EEF1AKMT1: variants seen among roughly 807,000 people sequenced by gnomAD.
The protein encoded by EEF1AKMT1 is EEF1A lysine methyltransferase 1, also known as N-6 adenine-specific DNA methyltransferase 2 (putative).
A neutral mutation model predicts 21.0 loss-of-function variants in EEF1AKMT1; 18 were observed. The observed-to-expected ratio is 0.86, with a 90% confidence interval of 0.59 to 1.27. The LOEUF (loss-of-function observed/expected upper bound fraction) is 1.27, where lower values mean the gene tolerates loss of function less well. EEF1AKMT1 is among the 50% of genes most tolerant of loss of function. The pLI is 0.00. For missense variants in EEF1AKMT1, 246 were observed against 258.6 expected, an observed-to-expected ratio of 0.95 and a Z score of 0.33; for synonymous variants, 109 against 94.8, an observed-to-expected ratio of 1.15 and a Z score of -0.87.
chr13:20,732,209 C>A, intron 3 of EEF1AKMT1, 88 bp from the exon 4 acceptor site: 6 of 1,402,414 alleles, frequency 4.3e-6, no homozygotes, highest in South Asian at 1.4e-5. Flanking sequence ...TACATGGGTC[C>A]GAGTGCTCAG....
intron 2 of EEF1AKMT1, among the ~76,000 whole-genome samples, chr13:20,749,858 C>T (rs182927501): frequency 1.3e-5 from 2 of 152,104 alleles, no homozygotes; most frequent in African/African-American, 2.4e-5. Context: ...TGTAGGAGAC[C>T]GTTTTTCTTC....
chr13:20,738,085 G>A (rs1228497792), intron 2 of EEF1AKMT1, among the ~76,000 whole-genome samples: 1 of 152,100 alleles, frequency 6.6e-6, no homozygotes, highest in Non-Finnish European at 1.5e-5. Flanking sequence ...TGTTTTTCCC[G>A]ATAGAACATA....
chr13:20,764,940 T>C (rs2059020057), intron 1 of EEF1AKMT1, among the ~76,000 whole-genome samples: 1 of 150,496 alleles, frequency 6.6e-6, no homozygotes, highest in African/African-American at 2.4e-5. Flanking sequence ...AGTGAGTTTC[T>C]TGTGGGCAGC....
rs138855140 is a variant in EEF1AKMT1, at chr13:20,736,259, A to G, written c.227+1464T>C. ...TCAGAATGATACTGGATTTGTCAGC[A>G]GCATGTATGGAAGTTTGGAGACAAT... On this transcript the variant is annotated intron_variant, in intron 3 of 4. Transcript: ENST00000382758. 2.3e-3 allele frequency among the ~76,000 whole-genome samples: 346 copies of G among 152,350 alleles called. 2 individuals carry two copies. Among genetic ancestry groups the G allele is most frequent in the African/African-American group, 8.0e-3 (331 of 41,582 alleles).
chr13:20,752,494 T>C (rs2141427919), intron 2 of EEF1AKMT1, among the ~76,000 whole-genome samples: 1 of 152,220 alleles, frequency 6.6e-6, no homozygotes, highest in South Asian at 2.1e-4. Flanking sequence ...CCAGGATAAA[T>C]CCCACTTAAT....
intron 1 of EEF1AKMT1, among the ~76,000 whole-genome samples, chr13:20,757,820 C>T (rs2058979408): frequency 1.3e-5 from 2 of 152,122 alleles, no homozygotes; most frequent in African/African-American, 4.8e-5. Context: ...AACCAGGCCA[C>T]GATGGGAAGG....
intron 2 of EEF1AKMT1, among the ~76,000 whole-genome samples, chr13:20,754,142 A>G (rs781519842): frequency 6.6e-6 from 1 of 151,890 alleles, no homozygotes; most frequent in Non-Finnish European, 1.5e-5. Flanking sequence ...TCCTTTAAGT[A>G]TTTCTTGCAG....
chr13:20,772,278 T>C (rs2059066536), intron 1 of EEF1AKMT1, among the ~76,000 whole-genome samples: 1 of 152,122 alleles, frequency 6.6e-6, no homozygotes, highest in Admixed American at 6.5e-5. Context: ...CTATGGATTA[T>C]ATTGAAATTA....
chr13:20,767,924 TAC>T (rs1178842093), intron 1 of EEF1AKMT1, among the ~76,000 whole-genome samples: 2 of 152,242 alleles, frequency 1.3e-5, no homozygotes, highest in African/African-American at 4.8e-5. Context: ...ATTAATCCCA[TAC>T]AGTGTAATTT....
chr13:20,766,696 C>A (rs2059035030), intron 1 of EEF1AKMT1, among the ~76,000 whole-genome samples: 1 of 152,030 alleles, frequency 6.6e-6, no homozygotes, highest in Non-Finnish European at 1.5e-5. Context: ...ATGGCAGGCG[C>A]CTGTAGTCCC....
intron 2 of EEF1AKMT1, among the ~76,000 whole-genome samples, chr13:20,742,343 AT>A (rs756687626): frequency 3.0e-4 from 45 of 151,090 alleles, no homozygotes; most frequent in Non-Finnish European, 5.8e-4. Context: ...GAAGATCTTT[AT>A]ACAGTCTTTG....
At chr13:20,738,451 TC>T (rs1201807130) in intron 2 of EEF1AKMT1, among the ~76,000 whole-genome samples, 3 of 152,218 alleles carry the variant, frequency 2.0e-5, no homozygotes, top group African/African-American at 7.2e-5. Context: ...ATGGTTTTCC[TC>T]TGCAATCCTA....
intron 3 of EEF1AKMT1, among the ~76,000 whole-genome samples, chr13:20,736,593 C>A (rs2058827501): frequency 6.6e-6 from 1 of 151,884 alleles, no homozygotes; most frequent in African/African-American, 2.4e-5. Context: ...GGACAGGTTG[C>A]AGAGCCCTGG....
chr13:20,738,130 A>C (rs1481583716), intron 2 of EEF1AKMT1, among the ~76,000 whole-genome samples: 4 of 152,180 alleles, frequency 2.6e-5, no homozygotes, highest in Non-Finnish European at 5.9e-5. Flanking sequence ...CAAAAAAATA[A>C]AATAGACCTT....
intron 1 of EEF1AKMT1, among the ~76,000 whole-genome samples, chr13:20,770,324 A>G (rs1301541106): frequency 6.6e-6 from 1 of 152,068 alleles, no homozygotes; most frequent in East Asian, 1.9e-4. Flanking sequence ...ATAGGGTTTA[A>G]TGGGTGTACT....
intron 2 of EEF1AKMT1, among the ~76,000 whole-genome samples, chr13:20,750,962 G>A (rs1464890190): frequency 2.0e-5 from 3 of 152,148 alleles, no homozygotes; most frequent in Non-Finnish European, 4.4e-5. Context: ...TCATATACCA[G>A]TTGGCCATTT....
At chr13:20,745,640 G>T (rs1198889546) in intron 2 of EEF1AKMT1, among the ~76,000 whole-genome samples, 1 of 152,160 alleles carries the variant, frequency 6.6e-6, no homozygotes, top group Non-Finnish European at 1.5e-5. Flanking sequence ...CATGAGGTCA[G>T]GAGTTCAAGA....
chr13:20,738,200 G>A (rs866913583), intron 2 of EEF1AKMT1, among the ~76,000 whole-genome samples: 10 of 152,316 alleles, frequency 6.6e-5, no homozygotes, highest in Middle Eastern at 3.4e-3. Flanking sequence ...CACAGAGGAT[G>A]GAAGAATGAG....
intron 1 of EEF1AKMT1, among the ~76,000 whole-genome samples, chr13:20,761,908 G>C (rs2059003090): frequency 6.6e-6 from 1 of 152,130 alleles, no homozygotes; most frequent in African/African-American, 2.4e-5. Flanking sequence ...AGCAGCCTGG[G>C]CAATACAGTG....
Sources: allele counts gnomAD v4.1 joint callset (sites outside exome capture counted in the v4.1 genomes callset), GRCh38; gene constraint gnomAD v4.1.1; transcripts MANE v1.5; gene names NCBI Gene and HGNC (gene_info 2026-07-23, HGNC 2026-07-21).